TLE4: variants seen among roughly 807,000 people sequenced by gnomAD.
The protein encoded by TLE4 is transducin-like enhancer protein 4.
A neutral mutation model predicts 92.8 loss-of-function variants in TLE4; 8 were observed. That is an observed-to-expected ratio of 0.09 (90% CI 0.05 to 0.16). The LOEUF (loss-of-function observed/expected upper bound fraction) is 0.16, where lower values mean the gene tolerates loss of function less well. TLE4 is among the 10% of genes least tolerant of loss of function. The pLI is 1.00. For synonymous variants in TLE4, 371 were observed against 374.1 expected (o/e 0.99, Z 0.10); for missense variants, 675 against 997.6 (o/e 0.68, Z 4.36).
At chr9:79,619,918 C>T (rs982333804) in intron 5 of TLE4, among the ~76,000 whole-genome samples, 7 of 152,224 alleles carry the variant, frequency 4.6e-5, no homozygotes, top group South Asian at 2.1e-4. Flanking sequence ...TCCCATATTC[C>T]GTGGTTGACT....
intron 6 of TLE4, 142 bp from the exon 7 acceptor site, chr9:79,652,451 T>C: frequency 1.2e-6 from 1 of 818,692 alleles, no homozygotes; most frequent in South Asian, 1.6e-5. Flanking sequence ...CCTCCCAAAG[T>C]GCTGGGATTA....
intron 6 of TLE4, among the ~76,000 whole-genome samples, chr9:79,643,386 A>G (rs4877145): frequency 0.55 from 83,814 of 152,072 alleles, 25,680 homozygotes; most frequent in East Asian, 0.74. Flanking sequence ...ACACATTCCT[A>G]TACCAGTGTG....
At chr9:79,640,762 A>G (rs185323970) in intron 6 of TLE4, among the ~76,000 whole-genome samples, 68 of 152,206 alleles carry the variant, frequency 4.5e-4, no homozygotes, top group Non-Finnish European at 8.5e-4. Context: ...ATTACCTACT[A>G]GCCGGTCTCC....
intron 4 of TLE4, among the ~76,000 whole-genome samples, chr9:79,602,177 C>T (rs529863070): frequency 6.8e-4 from 104 of 152,172 alleles, no homozygotes; most frequent in Non-Finnish European, 7.9e-4. Flanking sequence ...AAGAAACCAT[C>T]TCCATAATGT....
At chr9:79,722,927 A>G in intron 18 of TLE4, 32 bp from the exon 19 acceptor site, 1 of 1,604,428 alleles carries the variant, frequency 6.2e-7, no homozygotes, top group Non-Finnish European at 8.5e-7. Flanking sequence ...AGTAACACAA[A>G]CATTGCCTTT....
intron 8 of TLE4, among the ~76,000 whole-genome samples, chr9:79,688,846 A>G (rs972168243): frequency 7.2e-5 from 11 of 151,984 alleles, no homozygotes; most frequent in Non-Finnish European, 1.2e-4. Context: ...CTGGTTGACC[A>G]TTGGTTACTT....
chr9:79,651,877 A>C (rs1185284779), intron 6 of TLE4, among the ~76,000 whole-genome samples: 2 of 152,144 alleles, frequency 1.3e-5, no homozygotes, highest in Non-Finnish European at 1.5e-5. Flanking sequence ...TTTTTTGTTC[A>C]ACATAACTGC....
chr9:79,590,437 G>A (rs529112079), intron 4 of TLE4, among the ~76,000 whole-genome samples: 3 of 152,204 alleles, frequency 2.0e-5, no homozygotes, highest in African/African-American at 7.2e-5. Context: ...ATTTAGGAGA[G>A]GCTGCTTGTA....
intron 4 of TLE4, among the ~76,000 whole-genome samples, chr9:79,606,724 G>A (rs2047085379): frequency 6.6e-6 from 1 of 152,056 alleles, no homozygotes; most frequent in Non-Finnish European, 1.5e-5. Context: ...TTTTATGGCT[G>A]CATAGTATTC....
At chr9:79,662,593 C>A (rs2060695633) in intron 8 of TLE4, among the ~76,000 whole-genome samples, 1 of 152,150 alleles carries the variant, frequency 6.6e-6, no homozygotes. Flanking sequence ...AACAAAGCTG[C>A]TTTCTAGATG....
intron 8 of TLE4, among the ~76,000 whole-genome samples, chr9:79,659,375 A>G (rs1587925782): frequency 6.6e-6 from 1 of 152,182 alleles, no homozygotes; most frequent in Admixed American, 6.5e-5. Flanking sequence ...CAATATGCAA[A>G]ATGAACACAT....
At chr9:79,620,681 C>CTA (rs1386190047) in intron 5 of TLE4, among the ~76,000 whole-genome samples, 1 of 152,112 alleles carries the variant, frequency 6.6e-6, no homozygotes, top group Non-Finnish European at 1.5e-5. Context: ...AAAGTAATAT[C>CTA]TAATTTCTTG....
At chr9:79,584,696 C>T (rs539113809) in intron 4 of TLE4, among the ~76,000 whole-genome samples, 1 of 152,232 alleles carries the variant, frequency 6.6e-6, no homozygotes, top group Non-Finnish European at 1.5e-5. Flanking sequence ...TATTAGGTTG[C>T]AAGATAGATA....
intron 4 of TLE4, among the ~76,000 whole-genome samples, chr9:79,595,342 G>A (rs911992082): frequency 2.0e-5 from 3 of 152,226 alleles, no homozygotes; most frequent in African/African-American, 7.2e-5. Flanking sequence ...ATTTCTTAAA[G>A]ATGGGTGAAT....
intron 4 of TLE4, among the ~76,000 whole-genome samples, chr9:79,583,556 A>C (rs1335138933): frequency 6.6e-6 from 1 of 152,162 alleles, no homozygotes; most frequent in African/African-American, 2.4e-5. Context: ...GCAGCAACCT[A>C]GGCAAAGTGA....
chr9:79,661,147 G>A (rs564808798), intron 8 of TLE4, among the ~76,000 whole-genome samples: 15 of 152,070 alleles, frequency 9.9e-5, no homozygotes, highest in Admixed American at 2.0e-4. Flanking sequence ...AATAGTTGAC[G>A]CTTGAATTTC....
chr9:79,682,772 T>G (rs1241456621), intron 8 of TLE4, among the ~76,000 whole-genome samples: 6 of 152,212 alleles, frequency 3.9e-5, no homozygotes, highest in Non-Finnish European at 7.3e-5. Flanking sequence ...GGTGGTAAAA[T>G]GACTCTTGGT....
intron 5 of TLE4, among the ~76,000 whole-genome samples, chr9:79,619,873 T>A (rs1275468086): frequency 6.6e-6 from 1 of 152,210 alleles, no homozygotes; most frequent in Non-Finnish European, 1.5e-5. Flanking sequence ...TATTTTCTCA[T>A]AATACTGAAT....
chr9:79,609,719 A>C (rs1395600671), intron 4 of TLE4, among the ~76,000 whole-genome samples: 1 of 152,090 alleles, frequency 6.6e-6, no homozygotes, highest in Non-Finnish European at 1.5e-5. Flanking sequence ...CAGTGTCCAT[A>C]AAGCATCAAA....
Sources: allele counts gnomAD v4.1 joint callset (sites outside exome capture counted in the v4.1 genomes callset), GRCh38; gene constraint gnomAD v4.1.1; transcripts MANE v1.5; gene names NCBI Gene and HGNC (gene_info 2026-07-23, HGNC 2026-07-21).